The following EYS variants were observed in gnomAD, a reference collection of about 807,000 sequenced individuals.
EYS encodes the protein protein eyes shut homolog.
A neutral mutation model predicts 282.1 loss-of-function variants in EYS; 250 were observed. The ratio of observed to expected loss-of-function variants is 0.89; its 90% confidence interval spans 0.80 to 0.98. The LOEUF (loss-of-function observed/expected upper bound fraction) is 0.98, where lower values mean the gene tolerates loss of function less well. Ranked by LOEUF, EYS falls within the 50% of genes least tolerant of loss-of-function variation. The probability of loss-of-function intolerance (pLI) is 0.00; values close to 1 mark genes in which losing one functional copy is unlikely to be tolerated. For synonymous variants in EYS, 1,355 were observed against 1,282.9 expected (o/e 1.06, Z -1.20); for missense variants, 4,016 against 3,709.0 (o/e 1.08, Z -2.15).
chr6:65,251,621 C>T (rs563398405), intron 12 of EYS, among the ~76,000 whole-genome samples: 3 of 152,126 alleles, frequency 2.0e-5, no homozygotes, highest in South Asian at 2.1e-4. Flanking sequence ...AGAAAGCCTG[C>T]AGCTGCTGTA....
chr6:64,014,368 GTT>G (rs149536813), intron 33 of EYS, among the ~76,000 whole-genome samples: 21 of 151,802 alleles, frequency 1.4e-4, no homozygotes, highest in Admixed American at 1.2e-3. Flanking sequence ...TAAGTATGTA[GTT>G]TTTTTGTTTT....
chr6:64,792,771 C>T (rs1490435017), intron 22 of EYS, among the ~76,000 whole-genome samples: 2 of 151,838 alleles, frequency 1.3e-5, no homozygotes, highest in South Asian at 4.2e-4. Context: ...GAAAGGGTTT[C>T]CAAAGGAGGA....
intron 7 of EYS, among the ~76,000 whole-genome samples, chr6:65,385,091 C>T (rs982466764): frequency 1.3e-5 from 2 of 151,834 alleles, no homozygotes; most frequent in Non-Finnish European, 2.9e-5. Context: ...TTCCACTGCC[C>T]TCACTTCTAA....
At chr6:65,560,257 T>C (rs1393952182) in intron 2 of EYS, among the ~76,000 whole-genome samples, 1 of 145,190 alleles carries the variant, frequency 6.9e-6, no homozygotes, top group African/African-American at 2.5e-5. Context: ...ACAATTATTA[T>C]ATATAATATA....
chr6:65,291,743 T>C (rs535091659), intron 12 of EYS, among the ~76,000 whole-genome samples: 32 of 151,312 alleles, frequency 2.1e-4, no homozygotes, highest in African/African-American at 6.8e-4. Flanking sequence ...ACTAAAAGAG[T>C]TATGTTGCTT....
chr6:63,942,376 CA>C (rs1004921553), intron 35 of EYS, among the ~76,000 whole-genome samples: 1 of 151,976 alleles, frequency 6.6e-6, no homozygotes, highest in Admixed American at 6.5e-5. Context: ...ATGGATATGG[CA>C]AAAAAGGCAG....
intron 41 of EYS, among the ~76,000 whole-genome samples, chr6:63,737,015 CA>C (rs1183268026): frequency 2.0e-5 from 3 of 151,944 alleles, no homozygotes; most frequent in Non-Finnish European, 4.4e-5. Flanking sequence ...TCTAGATATA[CA>C]ATCATGTCAT....
chr6:64,962,917 TA>T (rs1325323857), intron 14 of EYS, among the ~76,000 whole-genome samples: 1 of 152,206 alleles, frequency 6.6e-6, no homozygotes, highest in Non-Finnish European at 1.5e-5. Flanking sequence ...CGATGAGGCT[TA>T]AAAATGTGTG....
intron 2 of EYS, among the ~76,000 whole-genome samples, chr6:65,597,729 C>G (rs557991928): frequency 2.6e-5 from 4 of 151,884 alleles, no homozygotes; most frequent in African/African-American, 7.3e-5. Flanking sequence ...CAACATTATC[C>G]AAGACCTTAT....
At chr6:63,830,756 C>CATA (rs1223471995) in intron 36 of EYS, among the ~76,000 whole-genome samples, 2 of 152,266 alleles carry the variant, frequency 1.3e-5, no homozygotes, top group Non-Finnish European at 2.9e-5. Flanking sequence ...CTCCAAGACA[C>CATA]ATAATTGTCA....
At chr6:64,461,638 G>GT (rs1473137159) in intron 26 of EYS, among the ~76,000 whole-genome samples, 1 of 152,188 alleles carries the variant, frequency 6.6e-6, no homozygotes, top group East Asian at 1.9e-4. Flanking sequence ...AATTCCAGTG[G>GT]TTTAACAGAA....
chr6:64,216,417 A>G (rs9353635), intron 31 of EYS, among the ~76,000 whole-genome samples: 47,453 of 152,086 alleles, frequency 0.31, 7,468 homozygotes, highest in East Asian at 0.5. Context: ...GATGTCAGAG[A>G]ATGTGCCTAA....
intron 26 of EYS, among the ~76,000 whole-genome samples, chr6:64,552,273 G>A (rs1193388577): frequency 1.3e-5 from 2 of 152,282 alleles, no homozygotes; most frequent in Admixed American, 1.3e-4. Flanking sequence ...AGCAGGTTCT[G>A]AAAGAAATTG....
intron 9 of EYS, among the ~76,000 whole-genome samples, chr6:65,345,398 A>AT (rs1770356225): frequency 6.6e-6 from 1 of 151,784 alleles, no homozygotes; most frequent in Admixed American, 6.6e-5. Context: ...CATATAATTA[A>AT]TTGATATGTG....
At chr6:64,610,758 C>A (rs1042984328) in intron 24 of EYS, among the ~76,000 whole-genome samples, 1 of 152,104 alleles carries the variant, frequency 6.6e-6, no homozygotes, top group Non-Finnish European at 1.5e-5. Context: ...AAATGTAAGG[C>A]AACTTATTTT....
Position 64,010,862 on chromosome 6 carries a change from C to A in EYS, c.6726-11679G>T, listed in dbSNP as rs548806960. ...AGCTGACAGACTGCTTGGCATAATT[C>A]AGGTCATGATACTTTGATTGCATTC... On this transcript the variant is annotated intron_variant, in intron 33 of 42. Coordinates refer to ENST00000503581, the MANE Select transcript of EYS (RefSeq NM_001142800.2). Among the ~76,000 whole-genome samples the A allele has an allele frequency of 1.5e-4, 23 of 152,270 alleles. No homozygotes were observed. In the South Asian group the frequency reaches 4.4e-3, roughly 29 times the overall value.
intron 26 of EYS, among the ~76,000 whole-genome samples, chr6:64,448,023 G>T (rs1412850958): frequency 6.6e-6 from 1 of 152,224 alleles, no homozygotes; most frequent in Non-Finnish European, 1.5e-5. Context: ...GACAGTGGGT[G>T]CAGTGCACCG....
intron 26 of EYS, among the ~76,000 whole-genome samples, chr6:64,555,773 T>C (rs1375647184): frequency 6.6e-6 from 1 of 151,998 alleles, no homozygotes; most frequent in Non-Finnish European, 1.5e-5. Flanking sequence ...ATTACATGAA[T>C]GTATTAAATT....
intron 36 of EYS, among the ~76,000 whole-genome samples, chr6:63,810,304 ACC>A (rs35022381): frequency 9.3e-6 from 1 of 107,448 alleles, no homozygotes; most frequent in African/African-American, 3.5e-5. Context: ...GACAAAAACA[ACC>A]CCCCCCCCCA....
Sources: allele counts gnomAD v4.1 joint callset (sites outside exome capture counted in the v4.1 genomes callset), GRCh38; gene constraint gnomAD v4.1.1; transcripts MANE v1.5; gene names NCBI Gene and HGNC (gene_info 2026-07-23, HGNC 2026-07-21).